SETBP1: variants seen among roughly 807,000 people sequenced by gnomAD.
SETBP1 encodes the protein SET-binding protein.
A neutral mutation model predicts 101.0 loss-of-function variants in SETBP1; 9 were observed. That is an observed-to-expected ratio of 0.09 (90% CI 0.05 to 0.16). The LOEUF is 0.16. Ranked by LOEUF, SETBP1 falls within the 10% of genes least tolerant of loss-of-function variation. The pLI is 1.00. For synonymous variants in SETBP1, 818 were observed against 788.5 expected, an observed-to-expected ratio of 1.04 and a Z score of -0.63; for missense variants, 1,858 against 2,033.8, an observed-to-expected ratio of 0.91 and a Z score of 1.66.
chr18:44,929,882 C>T (rs1417057046), intron 3 of SETBP1, among the ~76,000 whole-genome samples: 1 of 152,188 alleles, frequency 6.6e-6, no homozygotes, highest in Non-Finnish European at 1.5e-5. Flanking sequence ...CATCTGCAAA[C>T]AGGGACAATT....
chr18:45,045,368 T>C (rs1167975113), intron 5 of SETBP1, among the ~76,000 whole-genome samples: 2 of 151,650 alleles, frequency 1.3e-5, no homozygotes, highest in East Asian at 1.9e-4. Context: ...GAGGCGGAGG[T>C]TGTAGTGAGC....
At chr18:44,796,353 G>T (rs777072317) in intron 2 of SETBP1, among the ~76,000 whole-genome samples, 1 of 152,154 alleles carries the variant, frequency 6.6e-6, no homozygotes, top group South Asian at 2.1e-4. Flanking sequence ...TGCCTATTGC[G>T]CTAGGAGAGA....
intron 3 of SETBP1, among the ~76,000 whole-genome samples, chr18:44,916,304 A>C (rs2070426147): frequency 6.6e-6 from 1 of 152,138 alleles, no homozygotes; most frequent in African/African-American, 2.4e-5. Context: ...GTCCAAACAA[A>C]CATCTGTTTC....
chr18:44,752,229 A>G (rs879572192), intron 2 of SETBP1, among the ~76,000 whole-genome samples: 9 of 152,340 alleles, frequency 5.9e-5, no homozygotes, highest in African/African-American at 9.6e-5. Flanking sequence ...TGATTTACCA[A>G]TTATAGAGTG....
intron 2 of SETBP1, among the ~76,000 whole-genome samples, chr18:44,840,190 G>T (rs765225293): frequency 6.6e-6 from 1 of 152,176 alleles, no homozygotes; most frequent in Non-Finnish European, 1.5e-5. Context: ...ATTTGGCAAG[G>T]TCAACATGGC....
At chr18:44,754,442 A>G (rs898037563) in intron 2 of SETBP1, among the ~76,000 whole-genome samples, 2 of 152,122 alleles carry the variant, frequency 1.3e-5, no homozygotes, top group African/African-American at 4.8e-5. Context: ...AATTTGATGT[A>G]GTTTGTCCAT....
intron 3 of SETBP1, among the ~76,000 whole-genome samples, chr18:44,942,815 G>C (rs2071116282): frequency 6.6e-6 from 1 of 152,128 alleles, no homozygotes; most frequent in Admixed American, 6.6e-5. Context: ...ATATGGTAGG[G>C]CCCTCTGTCG....
intron 3 of SETBP1, chr18:44,876,667 T>C (rs2069410828): frequency 1.3e-6 from 2 of 1,550,540 alleles, no homozygotes; most frequent in African/African-American, 2.8e-5. Context: ...GTGCTTCTCA[T>C]GCCCCCGGAA....
At chr18:44,970,939 C>T (rs966516515) in intron 4 of SETBP1, among the ~76,000 whole-genome samples, 4 of 151,884 alleles carry the variant, frequency 2.6e-5, no homozygotes, top group African/African-American at 9.7e-5. Context: ...CATATGTATA[C>T]ATGTGCCATG....
At position 44,869,267 on chromosome 18, in the gene SETBP1, A is replaced by G; in HGVS notation, c.524A>G (p.Lys175Arg). Residue 175 changes from lysine to arginine, a missense_variant, in exon 3 of 6, where the codon AAA becomes AGA. This residue lies in a region of SETBP1 where 581 missense variants were observed against 535.1 expected (regional missense o/e 1.09). Coordinates refer to ENST00000649279, the MANE Select transcript of SETBP1 (RefSeq NM_015559.3). ...TASDLAASDL[K>R]GFQPQAYERP... ...AGTGACCTTGCAGCCAGTGACCTCA[A>G]AGGATTTCAGCCACAGGTAAGTTCC... The G allele has an allele frequency of 2.5e-6, 4 of 1,614,104 alleles. No homozygotes were observed. Among genetic ancestry groups the G allele is most frequent in the Non-Finnish European group, 2.5e-6 (3 of 1,179,950 alleles).
At chr18:45,022,658 C>T (rs2073093729) in intron 4 of SETBP1, among the ~76,000 whole-genome samples, 2 of 152,088 alleles carry the variant, frequency 1.3e-5, no homozygotes. Context: ...GGTGAAACCC[C>T]ATCTCTACTA....
At chr18:44,980,398 A>G (rs1245095049) in intron 4 of SETBP1, among the ~76,000 whole-genome samples, 2 of 152,254 alleles carry the variant, frequency 1.3e-5, no homozygotes, top group Middle Eastern at 6.8e-3. Flanking sequence ...AGCCAATTTC[A>G]TAGATCGTAG....
chr18:45,056,382 C>G (rs1327281099), intron 5 of SETBP1, among the ~76,000 whole-genome samples: 1 of 152,246 alleles, frequency 6.6e-6, no homozygotes, highest in African/African-American at 2.4e-5. Flanking sequence ...ATGGCCTCTC[C>G]TCCTCCCAGG....
At chr18:44,736,929 A>ACT (rs1220170304) in intron 2 of SETBP1, among the ~76,000 whole-genome samples, 2 of 151,616 alleles carry the variant, frequency 1.3e-5, no homozygotes, top group African/African-American at 2.4e-5. Context: ...CTCTGTGCTC[A>ACT]CTCTCTCTCT....
At chr18:44,766,892 T>C (rs1165596877) in intron 2 of SETBP1, among the ~76,000 whole-genome samples, 1 of 152,238 alleles carries the variant, frequency 6.6e-6, no homozygotes, top group Non-Finnish European at 1.5e-5. Flanking sequence ...GGTAATAATC[T>C]CTAAAAACTT....
rs761374230 is a variant in SETBP1 at position 44,953,300 on chromosome 18, C to T, written c.3960C>T (p.Asn1320=). 4.3e-6 allele frequency: 7 copies of T among 1,613,856 alleles called. No individual in the cohort carries two copies. The highest frequency in any genetic ancestry group is 5.9e-6 in the Non-Finnish European group (7 of 1,180,038). ...REKDIQAFKM[N]RKERSSYDSS... is the part of the protein sequence containing the mutation. Reference sequence around the variant, plus strand: ...AGGACATCCAAGCCTTCAAGATGAACCGCAAGGAGAGAAGTTCTTATGACT... The same window carrying T: ...AGGACATCCAAGCCTTCAAGATGAATCGCAAGGAGAGAAGTTCTTATGACT... The change falls in exon 4 of 6, where the codon AAC becomes AAT. Residue 1320 remains asparagine, a synonymous_variant. Transcript: ENST00000649279.
chr18:44,946,313 T>C (rs1186850785), intron 3 of SETBP1, among the ~76,000 whole-genome samples: 2 of 152,194 alleles, frequency 1.3e-5, no homozygotes, highest in Admixed American at 1.3e-4. Context: ...AGAGAAGCAC[T>C]AGGGACTGGG....
intron 2 of SETBP1, among the ~76,000 whole-genome samples, chr18:44,739,347 TA>T (rs886712865): frequency 5.7e-4 from 87 of 152,314 alleles, no homozygotes; most frequent in African/African-American, 2.1e-3. Context: ...GTAGTGCTAA[TA>T]ACTTGGATTA....
At chr18:44,813,493 C>A (rs1012974825) in intron 2 of SETBP1, among the ~76,000 whole-genome samples, 1 of 152,156 alleles carries the variant, frequency 6.6e-6, no homozygotes, top group Admixed American at 6.5e-5. Context: ...TGTGACAGAG[C>A]TGAGTGCATG....
Sources: gnomAD v4.1 joint callset for allele counts (sites outside exome capture counted in the v4.1 genomes callset) on GRCh38, gnomAD v4.1.1 for gene constraint, gnomAD v4.1.1 regional missense constraint, MANE v1.5 for transcripts, NCBI Gene and HGNC (gene_info 2026-07-23, HGNC 2026-07-21) for gene names.